DZIP1: variants seen among roughly 807,000 people sequenced by gnomAD.
DZIP1 encodes the protein cilium assembly protein DZIP1.
In DZIP1, 97 loss-of-function variants were observed where a neutral mutation model predicts 107.6. The ratio of observed to expected loss-of-function variants is 0.90; its 90% CI spans 0.77 to 1.07. The LOEUF is 1.07. Ranked by LOEUF, DZIP1 falls within the 50% of genes least tolerant of loss-of-function variation. The pLI is 0.00. For synonymous variants in DZIP1, 390 were observed against 386.4 expected, an observed-to-expected ratio of 1.01 and a Z score of -0.11; for missense variants, 1,035 against 1,063.6, an observed-to-expected ratio of 0.97 and a Z score of 0.37.
chr13:95,624,529 G>T (rs1594719720), intron 8 of DZIP1, among the ~76,000 whole-genome samples: 2 of 152,192 alleles, frequency 1.3e-5, no homozygotes, highest in East Asian at 3.9e-4. Context: ...CATAGAAGAG[G>T]GTCTTCTATA....
intron 9 of DZIP1, 95 bp from the exon 10 acceptor site, chr13:95,620,042 A>T: frequency 7.5e-7 from 1 of 1,337,522 alleles, no homozygotes; most frequent in Non-Finnish European, 1.0e-6. Flanking sequence ...TATGAAACCC[A>T]ACTATCTATC....
chr13:95,633,970 C>T (rs1210052761), intron 5 of DZIP1, among the ~76,000 whole-genome samples: 1 of 152,170 alleles, frequency 6.6e-6, no homozygotes, highest in Non-Finnish European at 1.5e-5. Flanking sequence ...CAGGGCATTC[C>T]TCCCAAACTG....
intron 15 of DZIP1, among the ~76,000 whole-genome samples, chr13:95,595,839 A>G (rs563927047): frequency 1.3e-5 from 2 of 152,174 alleles, no homozygotes; most frequent in East Asian, 1.9e-4. Context: ...TTGGGGCCAC[A>G]TACAGGGGCA....
chr13:95,582,443 A>T, intron 22 of DZIP1, 130 bp from the exon 23 acceptor site: 4 of 770,008 alleles, frequency 5.2e-6, no homozygotes, highest in Non-Finnish European at 4.3e-6. Flanking sequence ...ATGAATCCTC[A>T]TCTCCCAACC....
intron 22 of DZIP1, among the ~76,000 whole-genome samples, chr13:95,583,358 C>G (rs2044062666): frequency 6.6e-6 from 1 of 151,630 alleles, no homozygotes. Context: ...GAGCCAAGTC[C>G]CCATCTGTCT....
chr13:95,640,001 T>TTA (rs1878303762), intron 5 of DZIP1, among the ~76,000 whole-genome samples: 2 of 146,048 alleles, frequency 1.4e-5, no homozygotes, highest in African/African-American at 5.3e-5. Context: ...TTTATTTATT[T>TTA]TTTTTTTTTT....
intron 9 of DZIP1, among the ~76,000 whole-genome samples, chr13:95,620,251 C>G (rs147946200): frequency 2.0e-5 from 3 of 152,280 alleles, no homozygotes; most frequent in Admixed American, 2.0e-4. Context: ...CCTGCTCCAT[C>G]ATCTTAAGAC....
Position 95,590,365 on chromosome 13 carries a change from C to A in DZIP1, c.1757G>T (p.Arg586Ile), listed in dbSNP as rs1330093455. The part of the protein sequence containing the change: ...SVESERHKQE[R>I]EIPNFHQIRE... ...AATTTGATGAAAGTTAGGTATTTCT[C>A]TTTCTTGCTTATGTCTTTCTGATTC... is the stretch of plus-strand genomic sequence containing the variant. The change falls in exon 17 of 23, where the codon AGA (arginine) becomes ATA (isoleucine). Residue 586 changes from arginine (R) to isoleucine (I), a missense_variant. By Grantham distance (97) the Arg-to-Ile change is moderately conservative. Coordinates refer to ENST00000376829, the MANE Select transcript of DZIP1 (RefSeq NM_198968.4). The A allele has an allele frequency of 1.9e-6, 3 of 1,613,910 alleles. No homozygotes were observed. The highest frequency in any genetic ancestry group is 3.3e-4 in the Middle Eastern group (2 of 6,028).
intron 5 of DZIP1, among the ~76,000 whole-genome samples, chr13:95,639,035 AT>A (rs766506581): frequency 6.6e-6 from 1 of 152,192 alleles, no homozygotes. Context: ...TTTTTCCCTC[AT>A]TCCCAGGTAT....
At chr13:95,596,961 G>T (rs2044473445) in intron 15 of DZIP1, among the ~76,000 whole-genome samples, 1 of 152,204 alleles carries the variant, frequency 6.6e-6, no homozygotes, top group Non-Finnish European at 1.5e-5. Flanking sequence ...TTCTGCAGTG[G>T]TGCACGTGGA....
rs1223809252 is a variant in DZIP1 at position 95,580,336 on chromosome 13, CAAAAAAAAAA to C, written c.*1888_*1897del. Reference sequence around the variant, plus strand: ...TGGGCAACATAGTGAGACTCTGTCTCAAAAAAAAAAAAAAAAAAAGATACAACTAACCATG... The same window carrying C: ...TGGGCAACATAGTGAGACTCTGTCTCAAAAAAAAAGATACAACTAACCATG... On this transcript the variant is annotated 3_prime_UTR_variant, in exon 23 of 23. Transcript: ENST00000376829. 1 of 57,058 alleles carries C rather than the reference CAAAAAAAAAA, an allele frequency of 1.8e-5. No homozygotes were observed. Among genetic ancestry groups the C allele is most frequent in the Admixed American group, 2.0e-4 (1 of 4,954 alleles). The allele number at this position is 57,058 out of a possible 1,614,324, so 3.5% of individuals were successfully genotyped here.
intron 6 of DZIP1, among the ~76,000 whole-genome samples, chr13:95,631,881 G>A (rs529923176): frequency 2.1e-4 from 32 of 152,264 alleles, no homozygotes; most frequent in African/African-American, 7.0e-4. Flanking sequence ...GTCCCCATCT[G>A]TCTACTGAAG....
chr13:95,618,033 A>T, intron 10 of DZIP1: 1 of 518,948 alleles, frequency 1.9e-6, no homozygotes, highest in South Asian at 1.4e-5. Context: ...GCCCATGGAG[A>T]TGTCGAGTAC....
chr13:95,611,228 A>G (rs2044993599), intron 12 of DZIP1, among the ~76,000 whole-genome samples: 2 of 152,184 alleles, frequency 1.3e-5, no homozygotes, highest in South Asian at 4.1e-4. Flanking sequence ...AAATGAAACA[A>G]CTACATGATA....
At chr13:95,639,099 T>C (rs1429420536) in intron 5 of DZIP1, among the ~76,000 whole-genome samples, 1 of 152,190 alleles carries the variant, frequency 6.6e-6, no homozygotes, top group African/African-American at 2.4e-5. Context: ...GCACAGTCTA[T>C]GCACTAAGTC....
Position 95,611,464 on chromosome 13 carries a change from G to A in DZIP1, c.1344C>T (p.Asn448=), listed in dbSNP as rs1410777581. 8 of 1,613,616 alleles carry A rather than the reference G, an allele frequency of 5.0e-6. No individual in the cohort carries two copies. The highest frequency in any genetic ancestry group is 6.8e-6 in the Non-Finnish European group (8 of 1,179,662). The change falls in exon 12 of 23, where the codon AAC becomes AAT. Residue 448 remains asparagine (N), a synonymous_variant. Transcript: ENST00000376829. ...QIKDFTCNPL[N]SISEPKGNPL... is the part of the protein sequence containing the mutation. ...ACTTACCTTTGGGTTCACTGATACT[G>A]TTTAATGGATTACAGGTAAAGTCTT... is the stretch of plus-strand genomic sequence containing the variant.
At chr13:95,606,141 C>A (rs988142904) in intron 13 of DZIP1, 82 bp from the exon 14 acceptor site, 2 of 1,315,034 alleles carry the variant, frequency 1.5e-6, no homozygotes, top group South Asian at 2.4e-5. Context: ...CCAAATATGC[C>A]GCAAACTAGT....
chr13:95,597,407 G>A (rs932441249), intron 15 of DZIP1, among the ~76,000 whole-genome samples: 1 of 152,238 alleles, frequency 6.6e-6, no homozygotes, highest in African/African-American at 2.4e-5. Context: ...ATGTATGTAG[G>A]AGAGCGGAAG....
At chr13:95,635,485 C>A (rs912868202) in intron 5 of DZIP1, among the ~76,000 whole-genome samples, 1 of 152,136 alleles carries the variant, frequency 6.6e-6, no homozygotes, top group Non-Finnish European at 1.5e-5. Flanking sequence ...GTGTAACCCA[C>A]GGTGCCCAGT....
Sources: allele counts gnomAD v4.1 joint callset (sites outside exome capture counted in the v4.1 genomes callset), GRCh38; gene constraint gnomAD v4.1.1; transcripts MANE v1.5; gene names NCBI Gene and HGNC (gene_info 2026-07-23, HGNC 2026-07-21).